Variants in RIPOR2 observed in about 807,000 individuals in gnomAD.
RIPOR2 encodes the protein RHO family interacting cell polarization regulator 2.
A neutral mutation model predicts 114.5 loss-of-function variants in RIPOR2; 39 were observed. The ratio of observed to expected loss-of-function variants is 0.34; its 90% CI spans 0.26 to 0.44. The LOEUF (loss-of-function observed/expected upper bound fraction) is 0.44, where lower values mean the gene tolerates loss of function less well. RIPOR2 is among the 20% of genes least tolerant of loss of function. RIPOR2 has a pLI of 1.00. For synonymous variants in RIPOR2, 445 were observed against 484.4 expected, an observed-to-expected ratio of 0.92 and a Z score of 1.07; for missense variants, 1,007 against 1,255.1, an observed-to-expected ratio of 0.80 and a Z score of 2.99.
chr6:24,884,183 C>T (rs1187367643), intron 1 of RIPOR2, among the ~76,000 whole-genome samples: 11 of 151,810 alleles, frequency 7.2e-5, no homozygotes, highest in South Asian at 2.1e-4. Context: ...CTGAGGCGGG[C>T]GGATCATGAG....
intron 1 of RIPOR2, chr6:24,947,937 G>A (rs972134849): frequency 2.0e-5 from 3 of 152,074 alleles, no homozygotes; most frequent in Admixed American, 6.5e-5. Flanking sequence ...CCATGACCAC[G>A]CTCTTATAAT....
chr6:24,983,209 CACACACACAT>C (rs1242441565), intron 1 of RIPOR2, among the ~76,000 whole-genome samples: 4 of 151,030 alleles, frequency 2.6e-5, no homozygotes, highest in African/African-American at 9.8e-5. Context: ...CACACACACA[CACACACACAT>C]ACATATATAC....
At chr6:24,842,566 A>G (rs964563526) in intron 13 of RIPOR2, among the ~76,000 whole-genome samples, 1 of 152,230 alleles carries the variant, frequency 6.6e-6, no homozygotes, top group African/African-American at 2.4e-5. Flanking sequence ...TAATCATCAA[A>G]GTGCCTCTAC....
chr6:24,832,520 G>T (rs566542110), intron 15 of RIPOR2, 129 bp from the exon 16 acceptor site: 5 of 783,996 alleles, frequency 6.4e-6, no homozygotes, highest in Non-Finnish European at 1.0e-5. Context: ...CTTCCAGCTC[G>T]ATAATGATCC....
In RIPOR2 at chr6:25,011,742, C is replaced by A. The variant is rs773611392; in HGVS notation, c.76+30109G>T. On this transcript the variant is annotated intron_variant, in intron 1 of 13. Coordinates refer to the RIPOR2 transcript ENST00000510784. The stretch of plus-strand genomic sequence containing the variant: ...AGATAAATACTAGCTAAAAATGGAC[C>A]GTAGACCCAAATGTCAAAGCTAAAA... Among the ~76,000 whole-genome samples the A allele has an allele frequency of 1.1e-3, 162 of 152,244 alleles. 1 individual carries two copies. Among genetic ancestry groups the A allele is most frequent in the Middle Eastern group, 6.8e-3 (2 of 294 alleles).
chr6:24,905,550 G>A (rs2817727), intron 1 of RIPOR2, among the ~76,000 whole-genome samples: 55,787 of 152,124 alleles, frequency 0.37, 10,625 homozygotes, highest in African/African-American at 0.46. Flanking sequence ...TTGAACCTCT[G>A]CATATCAGCA....
intron 1 of RIPOR2, among the ~76,000 whole-genome samples, chr6:25,021,876 T>C (rs1776339852): frequency 6.6e-6 from 1 of 152,220 alleles, no homozygotes; most frequent in South Asian, 2.1e-4. Context: ...GGAGTTTGTC[T>C]ATAGTCTGAG....
intron 1 of RIPOR2, among the ~76,000 whole-genome samples, chr6:24,984,376 A>C (rs915193409): frequency 6.6e-6 from 1 of 152,146 alleles, no homozygotes; most frequent in Non-Finnish European, 1.5e-5. Context: ...CACAAAGTAC[A>C]TTCTCCAGGG....
intron 1 of RIPOR2, among the ~76,000 whole-genome samples, chr6:25,026,042 G>GTTTTTT (rs201831119): frequency 6.8e-6 from 1 of 146,926 alleles, no homozygotes. Context: ...TACAAAGATT[G>GTTTTTT]TTGTTTTTTT....
chr6:24,886,519 T>C (rs1214729719), intron 1 of RIPOR2, among the ~76,000 whole-genome samples: 1 of 152,250 alleles, frequency 6.6e-6, no homozygotes, highest in Non-Finnish European at 1.5e-5. Flanking sequence ...GACAGTTTCT[T>C]GGCAATTCTT....
At chr6:25,012,570 C>G (rs1355453318) in intron 1 of RIPOR2, among the ~76,000 whole-genome samples, 1 of 152,102 alleles carries the variant, frequency 6.6e-6, no homozygotes, top group Admixed American at 6.6e-5. Flanking sequence ...CTGATGCATG[C>G]TACAAAATAA....
intron 1 of RIPOR2, among the ~76,000 whole-genome samples, chr6:24,952,274 G>A (rs1042737079): frequency 6.6e-6 from 1 of 152,066 alleles, no homozygotes; most frequent in Non-Finnish European, 1.5e-5. Context: ...AATCTCTACT[G>A]CTCTCTCTCT....
chr6:24,861,090 A>C, intron 7 of RIPOR2, 54 bp from the exon 8 acceptor site: 13 of 1,269,134 alleles, frequency 1.0e-5, no homozygotes, highest in Non-Finnish European at 1.5e-5. Flanking sequence ...CCAACAGCTC[A>C]AAGCACACGA....
intron 1 of RIPOR2, among the ~76,000 whole-genome samples, chr6:24,895,206 C>G (rs1308194649): frequency 6.6e-6 from 1 of 152,176 alleles, no homozygotes; most frequent in Non-Finnish European, 1.5e-5. Context: ...GCACACCCCA[C>G]CATGCCCGGC....
intron 1 of RIPOR2, among the ~76,000 whole-genome samples, chr6:24,934,499 C>G (rs1398581924): frequency 6.6e-6 from 1 of 152,166 alleles, no homozygotes; most frequent in African/African-American, 2.4e-5. Flanking sequence ...AAATATTAAC[C>G]ATGATTACAT....
chr6:24,902,238 G>T (rs1399663290), intron 1 of RIPOR2, among the ~76,000 whole-genome samples: 1 of 149,522 alleles, frequency 6.7e-6, no homozygotes, highest in Non-Finnish European at 1.5e-5. Context: ...TTTTGAGACA[G>T]AGTTTCAACC....
intron 1 of RIPOR2, among the ~76,000 whole-genome samples, chr6:24,979,881 A>G (rs1236298200): frequency 6.6e-6 from 1 of 152,250 alleles, no homozygotes; most frequent in Non-Finnish European, 1.5e-5. Context: ...ATAGAGATAC[A>G]TCCTTCATAT....
At chr6:24,835,586 A>G (rs1761042804) in intron 15 of RIPOR2, 117 bp downstream of exon 15, 1 of 1,156,234 alleles carries the variant, frequency 8.6e-7, no homozygotes, top group Non-Finnish European at 1.2e-6. Context: ...AAACCACAGC[A>G]AGACTGTTCT....
chr6:24,977,109 A>T (rs1774097850), intron 1 of RIPOR2: 1 of 892,104 alleles, frequency 1.1e-6, no homozygotes, highest in African/African-American at 1.7e-5. Context: ...TTTGGGTTCC[A>T]TGTTTTCCTT....
Sources: gnomAD v4.1 joint callset for allele counts (sites outside exome capture counted in the v4.1 genomes callset) on GRCh38, gnomAD v4.1.1 for gene constraint, MANE v1.5 for transcripts, NCBI Gene and HGNC (gene_info 2026-07-23, HGNC 2026-07-21) for gene names.